The following SOCS4 variants were observed in gnomAD, a reference collection of about 807,000 sequenced individuals.
SOCS4 encodes suppressor of cytokine signaling 4.
SOCS4 carries 20 observed loss-of-function variants against 34.1 expected under a neutral mutation model. The ratio of observed to expected loss-of-function variants is 0.59; its 90% confidence interval spans 0.41 to 0.85. SOCS4 has a LOEUF of 0.85. Among genes scored for constraint, SOCS4 ranks in the 40% least tolerant of loss-of-function variants. The pLI is 0.00. For synonymous variants in SOCS4, 180 were observed against 186.4 expected, an observed-to-expected ratio of 0.97 and a Z score of 0.28; for missense variants, 479 against 532.4, an observed-to-expected ratio of 0.90 and a Z score of 0.99.
rs370402009 is a variant in SOCS4 at position 55,040,838 on chromosome 14, A to T, written c.-90-2114A>T. Among the ~76,000 whole-genome samples, 3 of 151,660 alleles carry T rather than the reference A, an allele frequency of 2.0e-5. No homozygotes were observed. The East Asian group carries it at 5.8e-4, about 29-fold the overall frequency. ...AATCTACAATTGGTTGAATCTGAGG[A>T]TGGAGAACCCATGGATATGGAGGGC... is the stretch of plus-strand genomic sequence containing the variant. On this transcript the variant is annotated intron_variant, in intron 2 of 2. Coordinates refer to ENST00000555846, the MANE Select transcript of SOCS4 (RefSeq NM_199421.2).
chr14:55,033,425 CAG>C (rs1386636795), intron 2 of SOCS4, among the ~76,000 whole-genome samples: 1 of 152,032 alleles, frequency 6.6e-6, no homozygotes, highest in African/African-American at 2.4e-5. Flanking sequence ...TTTTTTGTAA[CAG>C]AATCAAATAA....
chr14:55,036,951 C>CA (rs1566754391), intron 2 of SOCS4, among the ~76,000 whole-genome samples: 1 of 151,362 alleles, frequency 6.6e-6, no homozygotes, highest in Admixed American at 6.6e-5. Flanking sequence ...CCCATCTCTA[C>CA]AAAAAAATAC....
At chr14:55,032,688 A>C (rs539424332) in intron 2 of SOCS4, among the ~76,000 whole-genome samples, 1 of 152,168 alleles carries the variant, frequency 6.6e-6, no homozygotes, top group Admixed American at 6.5e-5. Flanking sequence ...ACAGTCAAAG[A>C]TCTTTGATTT....
rs757555057 is a variant in SOCS4 at position 55,044,164 on chromosome 14, C to T, written c.1123C>T (p.Pro375Ser). The T allele has an allele frequency of 1.2e-6, 2 of 1,614,086 alleles. No individual in the cohort carries two copies. Among genetic ancestry groups the T allele is most frequent in the Non-Finnish European group, 1.7e-6 (2 of 1,179,980 alleles). Residue 375 changes from proline to serine, a missense_variant, in exon 3 of 3, where the codon CCA becomes TCA. Physicochemically the swap from Pro to Ser is moderately conservative, Grantham distance 74. Coordinates refer to ENST00000555846, the MANE Select transcript of SOCS4 (RefSeq NM_199421.2). ...KDPSACMFFEPLLSTPLIRTF... is the reference protein window; with the variant it reads ...KDPSACMFFESLLSTPLIRTF... ...CCCAAGCGCCTGTATGTTCTTTGAA[C>T]CACTTCTATCCACTCCCTTAATTCG... is the stretch of plus-strand genomic sequence containing the variant.
intron 2 of SOCS4, among the ~76,000 whole-genome samples, chr14:55,032,777 C>T (rs2042539726): frequency 6.6e-6 from 1 of 152,056 alleles, no homozygotes; most frequent in Admixed American, 6.6e-5. Context: ...TATTATTCTA[C>T]CTCATGTATA....
Position 55,044,055 on chromosome 14 carries a change from GA to G in SOCS4, c.1016del (p.Asn339IlefsTer23). The G allele has an allele frequency of 6.2e-7, 1 of 1,614,082 alleles. No individual in the cohort carries two copies. Among genetic ancestry groups the G allele is most frequent in the Non-Finnish European group, 8.5e-7 (1 of 1,179,996 alleles). ...CTCTTCATGCTAGAATTGAACAGTG[GA>G]ATCACAACTTTAGCTTTGATGCACA... is the stretch of plus-strand genomic sequence containing the variant. ...RSLHARIEQW[N>X]HNFSFDAHDP... is the part of the protein sequence containing the mutation. On this transcript the variant is annotated frameshift_variant, in exon 3 of 3. Coordinates refer to ENST00000555846, the MANE Select transcript of SOCS4 (RefSeq NM_199421.2). LOFTEE classifies it high-confidence loss of function.
intron 2 of SOCS4, among the ~76,000 whole-genome samples, chr14:55,041,178 C>G (rs1016811644): frequency 1.3e-5 from 2 of 152,168 alleles, no homozygotes; most frequent in African/African-American, 4.8e-5. Flanking sequence ...AGCCACTGCA[C>G]CTGGCCTTAG....
intron 2 of SOCS4, among the ~76,000 whole-genome samples, chr14:55,036,396 T>C (rs2042572595): frequency 6.6e-6 from 1 of 151,032 alleles, no homozygotes; most frequent in African/African-American, 2.4e-5. Flanking sequence ...CAGGGTGGAG[T>C]GCGATGGCAT....
chr14:55,035,923 A>T, intron 2 of SOCS4, among the ~76,000 whole-genome samples: 1 of 152,098 alleles, frequency 6.6e-6, no homozygotes, highest in African/African-American at 2.4e-5. Context: ...AATAAAAGAG[A>T]AACATAACAA....
At chr14:55,042,842 T>C in intron 2 of SOCS4, 110 bp from the exon 3 acceptor site, 1 of 509,500 alleles carries the variant, frequency 2.0e-6, no homozygotes, top group African/African-American at 1.9e-5. Flanking sequence ...CCAACATCTC[T>C]TTTTCATGTA....
chr14:55,030,006 T>G (rs1264897585), intron 1 of SOCS4, among the ~76,000 whole-genome samples: 1 of 152,128 alleles, frequency 6.6e-6, no homozygotes, highest in Non-Finnish European at 1.5e-5. Context: ...GTTATATAGA[T>G]AGAAAAACAG....
In SOCS4 at chr14:55,046,951, G is replaced by C. The variant is rs990795971; in HGVS notation, c.*2587G>C. 1 of 167,012 alleles carries C rather than the reference G, an allele frequency of 6.0e-6. No homozygotes were observed. Among genetic ancestry groups the C allele is most frequent in the Non-Finnish European group, 1.5e-5 (1 of 68,064 alleles). 10.3% of individuals were successfully genotyped at this position (167,012 alleles called of 1,614,324 possible). ...ATTCAGAAACTAACCTATATAAAATGTAAACAATATATTGATTGCACTATA... is the reference window on the plus strand; with the variant it reads ...ATTCAGAAACTAACCTATATAAAATCTAAACAATATATTGATTGCACTATA... On this transcript the variant is annotated 3_prime_UTR_variant, in exon 3 of 3. Transcript: ENST00000555846.
At chr14:55,032,016 G>A (rs900285150) in intron 2 of SOCS4, 25 bp downstream of exon 2, 4 of 152,150 alleles carry the variant, frequency 2.6e-5, no homozygotes, top group South Asian at 2.1e-4. Flanking sequence ...CATGAATTTC[G>A]TAGGGAAAGT....
Position 55,043,016 on chromosome 14 carries a change from C to A in SOCS4, c.-26C>A. On this transcript the variant is annotated 5_prime_UTR_variant, in exon 3 of 3. Transcript: ENST00000555846. ...AAAAATGAAAAAGCAGTATTTATAA[C>A]ATTAGAATCTGGATAATTTGTTAAC... 1 of 1,574,732 alleles carries A rather than the reference C, an allele frequency of 6.4e-7. No individual in the cohort carries two copies.
At chr14:55,032,233 CTAAT>C (rs1382417022) in intron 2 of SOCS4, among the ~76,000 whole-genome samples, 2 of 152,120 alleles carry the variant, frequency 1.3e-5, no homozygotes, top group African/African-American at 2.4e-5. Context: ...ATAGAGGATA[CTAAT>C]TAATTTCCAG....
rs930585170 is a variant in SOCS4 at position 55,045,746 on chromosome 14, A to C, written c.*1382A>C. The C allele has an allele frequency of 1.2e-5, 2 of 166,962 alleles. No individual in the cohort carries two copies. The highest frequency in any genetic ancestry group is 4.8e-5 in the African/African-American group (2 of 41,446). The allele number at this position is 166,962 out of a possible 1,614,324, so 10.3% of individuals were successfully genotyped here. A position where few individuals can be genotyped will look rare whatever the true frequency, so the allele number is the denominator to read the frequency against. The stretch of plus-strand genomic sequence containing the variant: ...ACAATTTTCTTCTGGTGAGCTGTCT[A>C]ACCCTTTGTACACATTGACATTTTT... On this transcript the variant is annotated 3_prime_UTR_variant, in exon 3 of 3. Coordinates refer to ENST00000555846, the MANE Select transcript of SOCS4 (RefSeq NM_199421.2).
chr14:55,035,203 A>C (rs192852224), intron 2 of SOCS4, among the ~76,000 whole-genome samples: 268 of 152,318 alleles, frequency 1.8e-3, no homozygotes, highest in South Asian at 2.3e-3. Flanking sequence ...GGAAAACTCA[A>C]CTAGGGCAGT....
chr14:55,045,478 C>A lies in SOCS4; in HGVS notation c.*1114C>A, dbSNP rs1353777164. The A allele has an allele frequency of 6.0e-6, 1 of 166,912 alleles. No individual in the cohort carries two copies. Among genetic ancestry groups the A allele is most frequent in the Non-Finnish European group, 1.5e-5 (1 of 68,034 alleles). The allele number at this position is 166,912 out of a possible 1,614,324, so 10.3% of individuals were successfully genotyped here. On this transcript the variant is annotated 3_prime_UTR_variant, in exon 3 of 3. Transcript: ENST00000555846. Reference sequence around the variant, plus strand: ...TGATCTACAAGATCCAAATAATTATCCCTATCTTCAGAATTAACTTAGTCT... The same window carrying A: ...TGATCTACAAGATCCAAATAATTATACCTATCTTCAGAATTAACTTAGTCT...
Position 55,048,996 on chromosome 14 carries a change from A to C in SOCS4, c.*4632A>C, listed in dbSNP as rs1197930389. ...CTTTCTTGACTTGTTTTAACAGTAGAGATAGCAGTACAATTTGAATTTATG... is the reference window on the plus strand; with the variant it reads ...CTTTCTTGACTTGTTTTAACAGTAGCGATAGCAGTACAATTTGAATTTATG... On this transcript the variant is annotated 3_prime_UTR_variant, in exon 3 of 3. Transcript: ENST00000555846. The C allele has an allele frequency of 6.0e-6, 1 of 166,952 alleles. No homozygotes were observed. The allele number at this position is 166,952 out of a possible 1,614,324, so 10.3% of individuals were successfully genotyped here. A position where few individuals can be genotyped will look rare whatever the true frequency, so the allele number is the denominator to read the frequency against.
Sources: allele counts gnomAD v4.1 joint callset (sites outside exome capture counted in the v4.1 genomes callset), GRCh38; gene constraint gnomAD v4.1.1; transcripts MANE v1.5; gene names NCBI Gene and HGNC (gene_info 2026-07-23, HGNC 2026-07-21).